Variants in MYL11 observed in about 807,000 individuals in gnomAD.
The protein encoded by MYL11 is myosin regulatory light chain 11.
chr16:30,376,695 A>C, the MYL11 span: 2 of 1,613,720 alleles, frequency 1.2e-6, no homozygotes, highest in Non-Finnish European at 8.5e-7. Flanking sequence ...ATCAAGAAGA[A>C]GTTGTAAGCA....
the MYL11 span, chr16:30,377,720 C>T: frequency 6.3e-7 from 1 of 1,581,854 alleles, no homozygotes. Context: ...GGGACCGGGG[C>T]GGGGCCGGAG....
the MYL11 span, chr16:30,374,958 T>A: frequency 6.9e-7 from 1 of 1,450,166 alleles, no homozygotes; most frequent in Non-Finnish European, 9.4e-7. Flanking sequence ...CAACAAAAAG[T>A]TAAAAGGATG....
chr16:30,374,945 G>A, the MYL11 span: 3 of 1,515,940 alleles, frequency 2.0e-6, no homozygotes, highest in East Asian at 2.3e-5. Context: ...CTGGTTCCCA[G>A]TCCAACAAAA....
the MYL11 span, among the ~76,000 whole-genome samples, chr16:30,371,506 C>G: frequency 1.3e-5 from 2 of 152,158 alleles, no homozygotes; most frequent in African/African-American, 4.8e-5. Flanking sequence ...TATAAGCAAC[C>G]CATATCTCTG....
the MYL11 span, chr16:30,370,942 G>A: frequency 6.6e-6 from 1 of 152,258 alleles, no homozygotes; most frequent in Non-Finnish European, 1.5e-5. Flanking sequence ...CTATTTAGGC[G>A]GTGACAGACA....
chr16:30,375,853 G>A, the MYL11 span: 42 of 1,614,094 alleles, frequency 2.6e-5, no homozygotes, highest in African/African-American at 4.3e-4. Context: ...GACAGTAGAG[G>A]GCGGAAGCTC....
chr16:30,373,113 G>A, the MYL11 span: 1 of 152,220 alleles, frequency 6.6e-6, no homozygotes, highest in Non-Finnish European at 1.5e-5. Context: ...GGGAAACCAA[G>A]GCCCAGCACA....
chr16:30,375,882 C>T, the MYL11 span: 17 of 1,614,060 alleles, frequency 1.1e-5, no homozygotes, highest in Middle Eastern at 1.6e-4. Flanking sequence ...TCTCCATGTT[C>T]GACCAGACTC....
the MYL11 span, chr16:30,377,894 G>T: frequency 6.2e-7 from 1 of 1,604,870 alleles, no homozygotes; most frequent in Non-Finnish European, 8.5e-7. Context: ...CCAAGGACCA[G>T]GAGTAGGGGC....
At chr16:30,375,059 C>A in the MYL11 span, among the ~76,000 whole-genome samples, 1 of 152,248 alleles carries the variant, frequency 6.6e-6, no homozygotes, top group Non-Finnish European at 1.5e-5. Flanking sequence ...ACATTCAACT[C>A]ACAGGGGCCC....
At chr16:30,374,428 T>C in the MYL11 span, among the ~76,000 whole-genome samples, 2 of 152,102 alleles carry the variant, frequency 1.3e-5, no homozygotes, top group Non-Finnish European at 2.9e-5. Context: ...ATTACAGGTG[T>C]GAACCACTGC....
At chr16:30,376,432 A>T in the MYL11 span, 1 of 1,613,470 alleles carries the variant, frequency 6.2e-7, no homozygotes, top group Non-Finnish European at 8.5e-7. Flanking sequence ...GGCCGCCTCA[A>T]TGTGAAGAAT....
the MYL11 span, chr16:30,376,503 A>G: frequency 6.2e-7 from 1 of 1,614,066 alleles, no homozygotes. Context: ...CGTCTTCCTG[A>G]CCATGTTCGG....
chr16:30,374,823 C>T, the MYL11 span: 203 of 1,612,634 alleles, frequency 1.3e-4, 1 homozygote, highest in Admixed American at 1.3e-3. Flanking sequence ...TCTTTCCAGC[C>T]GGAGCCGCTG....
At chr16:30,376,512 G>C in the MYL11 span, 1 of 1,613,918 alleles carries the variant, frequency 6.2e-7, no homozygotes, top group Non-Finnish European at 8.5e-7. Flanking sequence ...GACCATGTTC[G>C]GGGAGAAGCT....
the MYL11 span, among the ~76,000 whole-genome samples, chr16:30,377,171 C>T: frequency 6.6e-6 from 1 of 151,940 alleles, no homozygotes; most frequent in Non-Finnish European, 1.5e-5. Flanking sequence ...CAAGATCACG[C>T]CACTGCCCTC....
chr16:30,374,707 A>G, the MYL11 span: 5 of 916,584 alleles, frequency 5.5e-6, no homozygotes, highest in Middle Eastern at 6.7e-4. Flanking sequence ...CTATTTTGGT[A>G]TCTGGGGTGG....
chr16:30,376,945 G>A, the MYL11 span, among the ~76,000 whole-genome samples: 1 of 152,172 alleles, frequency 6.6e-6, no homozygotes, highest in African/African-American at 2.4e-5. Context: ...GGGCACAGTG[G>A]CTCATGCCTG....
At chr16:30,373,686 C>A in the MYL11 span, among the ~76,000 whole-genome samples, 14 of 151,028 alleles carry the variant, frequency 9.3e-5, no homozygotes, top group African/African-American at 3.2e-4. Context: ...CGCTTGAACC[C>A]AGAAGGCGGA....
Sources: allele counts gnomAD v4.1 joint callset (sites outside exome capture counted in the v4.1 genomes callset), GRCh38; gene constraint gnomAD v4.1.1; transcripts MANE v1.5; gene names NCBI Gene and HGNC (gene_info 2026-07-23, HGNC 2026-07-21).